Variants in NKAIN2 observed in about 807,000 individuals in gnomAD.
The protein encoded by NKAIN2 is sodium/potassium transporting ATPase interacting 2, also known as sodium/potassium-transporting ATPase subunit beta-1-interacting protein 2.
A neutral mutation model predicts 32.6 loss-of-function variants in NKAIN2; 14 were observed. The ratio of observed to expected loss-of-function variants is 0.43; its 90% CI spans 0.28 to 0.67. NKAIN2 has a LOEUF of 0.67. Ranked by LOEUF, NKAIN2 falls within the 30% of genes least tolerant of loss-of-function variation. The probability of loss-of-function intolerance (pLI) is 0.17; values close to 1 mark genes in which losing one functional copy is unlikely to be tolerated. For missense variants in NKAIN2, 198 were observed against 258.3 expected, an observed-to-expected ratio of 0.77 and a Z score of 1.60; for synonymous variants, 80 against 87.2, an observed-to-expected ratio of 0.92 and a Z score of 0.46.
In NKAIN2 at chr6:123,867,928, G is replaced by A; in HGVS notation, c.54+63674G>A. Among the ~76,000 whole-genome samples the A allele has an allele frequency of 1.3e-5, 2 of 150,254 alleles. 1 individual carries two copies. The highest frequency in any genetic ancestry group is 3.0e-5 in the Non-Finnish European group (2 of 67,760). On this transcript the variant is annotated intron_variant, in intron 1 of 6. Coordinates refer to ENST00000368417, the MANE Select transcript of NKAIN2 (RefSeq NM_001040214.3). Reference sequence around the variant, plus strand: ...CTGTCGCCCAGGCTGGAGTGCAGTGGCGTGATCTCTGCTCACTGCAAGCTC... The same window carrying A: ...CTGTCGCCCAGGCTGGAGTGCAGTGACGTGATCTCTGCTCACTGCAAGCTC...
At chr6:124,350,152 C>A (rs1175604773) in intron 2 of NKAIN2, among the ~76,000 whole-genome samples, 2 of 152,170 alleles carry the variant, frequency 1.3e-5, no homozygotes, top group African/African-American at 4.8e-5. Context: ...CTCTCCAGGG[C>A]AGAACATCTT....
At chr6:124,752,042 T>C (rs1031953127) in intron 4 of NKAIN2, among the ~76,000 whole-genome samples, 1 of 151,968 alleles carries the variant, frequency 6.6e-6, no homozygotes, top group African/African-American at 2.4e-5. Context: ...ACAATATATA[T>C]GTACAAGTGT....
chr6:124,721,131 C>A (rs577371367), intron 4 of NKAIN2, among the ~76,000 whole-genome samples: 22 of 152,192 alleles, frequency 1.4e-4, no homozygotes, highest in African/African-American at 4.8e-4. Flanking sequence ...AAATATGAAA[C>A]GTTGGCCGGG....
chr6:124,395,625 G>A (rs2114434111), intron 3 of NKAIN2, among the ~76,000 whole-genome samples: 1 of 152,238 alleles, frequency 6.6e-6, no homozygotes. Flanking sequence ...GTGAGTTAGA[G>A]GAATGTAATA....
chr6:124,725,900 G>C (rs954924988), intron 4 of NKAIN2, among the ~76,000 whole-genome samples: 1 of 152,250 alleles, frequency 6.6e-6, no homozygotes, highest in Non-Finnish European at 1.5e-5. Context: ...CTTGGGAAGC[G>C]CAAGGGGTCA....
intron 4 of NKAIN2, among the ~76,000 whole-genome samples, chr6:124,752,258 C>A (rs1777755267): frequency 6.6e-6 from 1 of 151,974 alleles, no homozygotes; most frequent in Non-Finnish European, 1.5e-5. Context: ...TAATCTCAGA[C>A]ATTCTCCAGA....
At chr6:124,725,627 A>C (rs61532143) in intron 4 of NKAIN2, among the ~76,000 whole-genome samples, 288 of 152,294 alleles carry the variant, frequency 1.9e-3, no homozygotes, top group African/African-American at 6.8e-3. Context: ...CAGTGGGGTA[A>C]TATGCTGAAA....
chr6:123,814,288 C>T, intron 1 of NKAIN2, among the ~76,000 whole-genome samples: 1 of 152,154 alleles, frequency 6.6e-6, no homozygotes, highest in East Asian at 1.9e-4. Context: ...GATTAATTTT[C>T]TTAAGAACAT....
chr6:124,492,551 A>G (rs1400300457), intron 3 of NKAIN2, among the ~76,000 whole-genome samples: 1 of 151,960 alleles, frequency 6.6e-6, no homozygotes, highest in African/African-American at 2.4e-5. Context: ...CACCATTAGG[A>G]CTAAAGTCAG....
intron 1 of NKAIN2, among the ~76,000 whole-genome samples, chr6:123,858,461 G>A (rs927194114): frequency 6.6e-6 from 1 of 152,082 alleles, no homozygotes; most frequent in East Asian, 1.9e-4. Context: ...TATAGATGAG[G>A]AATTTGAGGG....
intron 1 of NKAIN2, among the ~76,000 whole-genome samples, chr6:124,003,561 G>A (rs1779959245): frequency 6.6e-6 from 1 of 152,160 alleles, no homozygotes; most frequent in Non-Finnish European, 1.5e-5. Flanking sequence ...TTTACCAACT[G>A]GATGTTTTAA....
chr6:123,866,804 C>A (rs1772543890), intron 1 of NKAIN2, among the ~76,000 whole-genome samples: 1 of 152,156 alleles, frequency 6.6e-6, no homozygotes, highest in Admixed American at 6.5e-5. Flanking sequence ...CCTGTCTAAT[C>A]CCTTAGTTAT....
At chr6:124,094,722 T>A (rs1784580187) in intron 1 of NKAIN2, among the ~76,000 whole-genome samples, 1 of 152,114 alleles carries the variant, frequency 6.6e-6, no homozygotes, top group Admixed American at 6.6e-5. Flanking sequence ...TATATCAACA[T>A]TTTTTACATA....
intron 3 of NKAIN2, among the ~76,000 whole-genome samples, chr6:124,630,257 G>C (rs1390353027): frequency 2.0e-5 from 3 of 152,012 alleles, no homozygotes; most frequent in Non-Finnish European, 2.9e-5. Context: ...ACAAGATCTG[G>C]GCAATAATAC....
At chr6:124,554,543 C>T (rs1461641756) in intron 3 of NKAIN2, among the ~76,000 whole-genome samples, 1 of 152,196 alleles carries the variant, frequency 6.6e-6, no homozygotes, top group Non-Finnish European at 1.5e-5. Context: ...GTTTAGTCTT[C>T]TTGACTTCTC....
At chr6:124,220,716 ATGTT>A in intron 1 of NKAIN2, among the ~76,000 whole-genome samples, 1 of 151,886 alleles carries the variant, frequency 6.6e-6, no homozygotes, top group African/African-American at 2.4e-5. Context: ...ACTAATATAT[ATGTT>A]TGTTTGTTAA....
chr6:123,946,465 A>G (rs1472011323), intron 1 of NKAIN2, among the ~76,000 whole-genome samples: 1 of 152,174 alleles, frequency 6.6e-6, no homozygotes, highest in Non-Finnish European at 1.5e-5. Context: ...TAATGAAATT[A>G]TCACCATGGA....
intron 4 of NKAIN2, among the ~76,000 whole-genome samples, chr6:124,770,896 C>G (rs937355701): frequency 1.3e-5 from 2 of 152,090 alleles, no homozygotes; most frequent in Admixed American, 1.3e-4. Context: ...AAAAAAGCCA[C>G]GTACACAGTT....
rs1005100290 is a variant in NKAIN2 at position 124,397,872 on chromosome 6, A to T, written c.273+42525A>T. On this transcript the variant is annotated intron_variant, in intron 3 of 6. Coordinates refer to ENST00000368417, the MANE Select transcript of NKAIN2 (RefSeq NM_001040214.3). The stretch of plus-strand genomic sequence containing the variant: ...TTGATTTTAAAATTAGATTAGCTTC[A>T]TTGGAAGAAGAATGGCCTGAAGTGG... 4.6e-5 allele frequency among the ~76,000 whole-genome samples: 7 copies of T among 152,144 alleles called. No homozygotes were observed. The East Asian group carries it at 5.8e-4, about 13-fold the overall frequency.
Sources: allele counts gnomAD v4.1 joint callset (sites outside exome capture counted in the v4.1 genomes callset), GRCh38; gene constraint gnomAD v4.1.1; transcripts MANE v1.5; gene names NCBI Gene and HGNC (gene_info 2026-07-23, HGNC 2026-07-21).